MRAP2: variants seen among roughly 807,000 people sequenced by gnomAD.
MRAP2 encodes the protein melanocortin-2 receptor accessory protein 2.
In MRAP2, 20 loss-of-function variants were observed where a neutral mutation model predicts 17.4. The ratio of observed to expected loss-of-function variants is 1.15; its 90% CI spans 0.81 to 1.67. The LOEUF is 1.67. Ranked by LOEUF, MRAP2 falls within the 40% of genes most tolerant of loss-of-function variation. MRAP2 has a pLI of 0.00. For missense variants in MRAP2, 238 were observed against 240.0 expected (o/e 0.99, Z 0.05); for synonymous variants, 96 against 88.4 (o/e 1.09, Z -0.48).
intron 1 of MRAP2, chr6:84,035,477 C>T (rs2099485730): frequency 1.1e-6 from 1 of 908,012 alleles, no homozygotes; most frequent in African/African-American, 1.8e-5. Context: ...TGGGCTGTGA[C>T]TCATTAGGCT....
intron 2 of MRAP2, among the ~76,000 whole-genome samples, chr6:84,059,673 T>C (rs560637717): frequency 6.6e-6 from 1 of 152,294 alleles, no homozygotes; most frequent in South Asian, 2.1e-4. Flanking sequence ...CCATTTGCAA[T>C]TCCCCTGGGC....
chr6:84,070,558 T>A (rs1190501733), intron 3 of MRAP2, among the ~76,000 whole-genome samples: 1 of 152,214 alleles, frequency 6.6e-6, no homozygotes, highest in Non-Finnish European at 1.5e-5. Context: ...TTGAATAGAA[T>A]GTGTATTTTG....
the MRAP2 span, among the ~76,000 whole-genome samples, chr6:84,105,097 C>T: frequency 6.6e-6 from 1 of 152,184 alleles, no homozygotes; most frequent in Non-Finnish European, 1.5e-5. Flanking sequence ...CAACAAGTCT[C>T]TAGGGAGTCC....
chr6:84,134,808 C>G, the MRAP2 span, among the ~76,000 whole-genome samples: 4 of 151,702 alleles, frequency 2.6e-5, no homozygotes, highest in Non-Finnish European at 5.9e-5. Flanking sequence ...TTGCCAGCCT[C>G]CCCCCCACAG....
At chr6:84,105,408 G>A in the MRAP2 span, among the ~76,000 whole-genome samples, 1 of 152,264 alleles carries the variant, frequency 6.6e-6, no homozygotes, top group Admixed American at 6.5e-5. Context: ...ATGACAGCAG[G>A]CAAAGAGAGA....
At chr6:84,133,492 T>C in the MRAP2 span, among the ~76,000 whole-genome samples, 4 of 152,172 alleles carry the variant, frequency 2.6e-5, no homozygotes, top group African/African-American at 9.6e-5. Context: ...GCTGGCCTCC[T>C]TGAGTTGCGG....
chr6:84,131,760 A>G, the MRAP2 span, among the ~76,000 whole-genome samples: 6,641 of 152,062 alleles, frequency 0.044, 472 homozygotes, highest in African/African-American at 0.15. Context: ...GGGTCTCCTG[A>G]ATACAGCACA....
chr6:84,076,876 T>C (rs1206164882), intron 3 of MRAP2, among the ~76,000 whole-genome samples: 1 of 152,232 alleles, frequency 6.6e-6, no homozygotes, highest in African/African-American at 2.4e-5. Flanking sequence ...ACTTGTGTTG[T>C]CCCTCTGCAA....
Position 84,061,416 on chromosome 6 carries a change from A to T in MRAP2, c.128-1477A>T, listed in dbSNP as rs957693127. 5.3e-5 allele frequency among the ~76,000 whole-genome samples: 8 copies of T among 152,326 alleles called. No individual in the cohort carries two copies. The East Asian group carries it at 1.5e-3, about 29-fold the overall frequency. Reference sequence around the variant, plus strand: ...ATTGTGCAAGTACCAAGTTCTGTAGACAATCCAATCTAACCCTGGTCCTAG... The same window carrying T: ...ATTGTGCAAGTACCAAGTTCTGTAGTCAATCCAATCTAACCCTGGTCCTAG... On this transcript the variant is annotated intron_variant, in intron 2 of 3. Coordinates refer to ENST00000257776, the MANE Select transcript of MRAP2 (RefSeq NM_138409.4).
At chr6:84,111,422 A>T in the MRAP2 span, among the ~76,000 whole-genome samples, 1 of 152,150 alleles carries the variant, frequency 6.6e-6, no homozygotes, top group African/African-American at 2.4e-5. Flanking sequence ...TTATTTGTGT[A>T]TAGGAATGCT....
At chr6:84,143,625 GGA>G in the MRAP2 span, among the ~76,000 whole-genome samples, 21 of 152,012 alleles carry the variant, frequency 1.4e-4, no homozygotes, top group South Asian at 4.4e-3. Context: ...GCTTGCAGAA[GGA>G]GAGAGAAAGA....
At chr6:84,050,154 C>T (rs1272917566) in intron 1 of MRAP2, among the ~76,000 whole-genome samples, 1 of 152,034 alleles carries the variant, frequency 6.6e-6, no homozygotes, top group Non-Finnish European at 1.5e-5. Context: ...GAAAAATCCA[C>T]GCCCCAGGAA....
chr6:84,064,052 G>A (rs6926656), intron 3 of MRAP2, among the ~76,000 whole-genome samples: 43,952 of 149,958 alleles, frequency 0.29, 8,519 homozygotes, highest in African/African-American at 0.56. Context: ...CTAAAAAAAA[G>A]AAAAAGAAAA....
At chr6:84,108,238 T>C in the MRAP2 span, among the ~76,000 whole-genome samples, 2 of 152,336 alleles carry the variant, frequency 1.3e-5, no homozygotes, top group South Asian at 2.1e-4. Flanking sequence ...ATGGTATTTC[T>C]GCCTCTAGGT....
chr6:84,134,202 C>T, the MRAP2 span, among the ~76,000 whole-genome samples: 1 of 152,200 alleles, frequency 6.6e-6, no homozygotes, highest in African/African-American at 2.4e-5. Context: ...GTGGATGCCA[C>T]TCCCCCCACC....
the MRAP2 span, among the ~76,000 whole-genome samples, chr6:84,132,776 C>T: frequency 5.3e-5 from 8 of 152,044 alleles, no homozygotes; most frequent in Non-Finnish European, 8.8e-5. Context: ...AGCTCCTTTG[C>T]GATGGTTTCA....
chr6:84,042,823 G>T (rs2099487983), intron 1 of MRAP2, among the ~76,000 whole-genome samples: 1 of 152,186 alleles, frequency 6.6e-6, no homozygotes, highest in Non-Finnish European at 1.5e-5. Flanking sequence ...AGATAAGATG[G>T]TCATTAGAAC....
At chr6:84,043,883 T>C (rs2099488306) in intron 1 of MRAP2, among the ~76,000 whole-genome samples, 1 of 152,220 alleles carries the variant, frequency 6.6e-6, no homozygotes, top group African/African-American at 2.4e-5. Context: ...AAACTAGTGC[T>C]CTTTCTCTGT....
chr6:84,118,331 G>T, the MRAP2 span, among the ~76,000 whole-genome samples: 1 of 152,180 alleles, frequency 6.6e-6, no homozygotes, highest in Non-Finnish European at 1.5e-5. Context: ...ACTCTCCAAA[G>T]CCTGCAGGCT....
Sources: gnomAD v4.1 joint callset for allele counts (sites outside exome capture counted in the v4.1 genomes callset) on GRCh38, gnomAD v4.1.1 for gene constraint, MANE v1.5 for transcripts, NCBI Gene and HGNC (gene_info 2026-07-23, HGNC 2026-07-21) for gene names.